NRG3: variants seen among roughly 807,000 people sequenced by gnomAD.
The protein encoded by NRG3 is neuregulin 3.
In NRG3, 31 loss-of-function variants were observed where a neutral mutation model predicts 66.9. The observed-to-expected ratio is 0.46, with a 90% CI of 0.35 to 0.63. NRG3 has a LOEUF of 0.63. NRG3 is among the 20% of genes least tolerant of loss of function. NRG3 has a pLI of 0.00. For missense variants in NRG3, 910 were observed against 878.9 expected, an observed-to-expected ratio of 1.04 and a Z score of -0.45; for synonymous variants, 393 against 359.4, an observed-to-expected ratio of 1.09 and a Z score of -1.06.
chr10:82,791,073 T>A (rs964587177), intron 3 of NRG3, among the ~76,000 whole-genome samples: 1 of 152,082 alleles, frequency 6.6e-6, no homozygotes, highest in Non-Finnish European at 1.5e-5. Context: ...AGTTTTTTTT[T>A]ATTAACATCA....
intron 2 of NRG3, among the ~76,000 whole-genome samples, chr10:82,660,887 T>C (rs1437072635): frequency 6.6e-6 from 1 of 152,208 alleles, no homozygotes; most frequent in Non-Finnish European, 1.5e-5. Context: ...CGTTGTTTTT[T>C]TATGTCCTCC....
intron 1 of NRG3, among the ~76,000 whole-genome samples, chr10:82,019,296 A>C (rs1316696491): frequency 6.6e-6 from 1 of 152,128 alleles, no homozygotes; most frequent in East Asian, 1.9e-4. Flanking sequence ...CCACTTGATC[A>C]TGGTGGATAA....
At chr10:82,042,345 T>A (rs1339966495) in intron 1 of NRG3, among the ~76,000 whole-genome samples, 1 of 152,086 alleles carries the variant, frequency 6.6e-6, no homozygotes, top group Non-Finnish European at 1.5e-5. Context: ...CTTTATTTTT[T>A]GCAAATACCT....
intron 2 of NRG3, among the ~76,000 whole-genome samples, chr10:82,591,563 C>G (rs1176523267): frequency 6.6e-6 from 1 of 152,140 alleles, no homozygotes; most frequent in Non-Finnish European, 1.5e-5. Context: ...TTAAATATGT[C>G]AAGGTCTTAA....
At chr10:82,386,525 C>T (rs2086000136) in intron 2 of NRG3, among the ~76,000 whole-genome samples, 1 of 152,122 alleles carries the variant, frequency 6.6e-6, no homozygotes, top group Non-Finnish European at 1.5e-5. Flanking sequence ...TTCATAGAAA[C>T]ATTTTCAACT....
intron 2 of NRG3, among the ~76,000 whole-genome samples, chr10:82,377,219 C>T (rs1437575871): frequency 2.6e-5 from 4 of 152,260 alleles, no homozygotes; most frequent in South Asian, 4.2e-4. Flanking sequence ...ATAACTTGCT[C>T]ATTTTATGCA....
chr10:82,091,774 G>A (rs1340202185), intron 1 of NRG3, among the ~76,000 whole-genome samples: 2 of 152,134 alleles, frequency 1.3e-5, no homozygotes, highest in Non-Finnish European at 2.9e-5. Flanking sequence ...TGCCAACAAT[G>A]CATAGGTGTT....
At chr10:82,136,212 T>C (rs2069334887) in intron 1 of NRG3, among the ~76,000 whole-genome samples, 1 of 152,162 alleles carries the variant, frequency 6.6e-6, no homozygotes, top group Non-Finnish European at 1.5e-5. Flanking sequence ...GAGGTCATTC[T>C]CCTCTGTGCT....
At chr10:81,962,072 A>T (rs1195891785) in intron 1 of NRG3, among the ~76,000 whole-genome samples, 1 of 152,240 alleles carries the variant, frequency 6.6e-6, no homozygotes, top group Non-Finnish European at 1.5e-5. Flanking sequence ...CAGCCTGATC[A>T]TGTGATTCTG....
chr10:81,892,540 G>A (rs1002258836), intron 1 of NRG3, among the ~76,000 whole-genome samples: 31 of 152,050 alleles, frequency 2.0e-4, no homozygotes, highest in African/African-American at 7.0e-4. Context: ...ATACCTCAAC[G>A]AAAGGCAATA....
intron 4 of NRG3, among the ~76,000 whole-genome samples, chr10:82,920,436 A>G (rs1429110761): frequency 1.3e-5 from 2 of 152,140 alleles, no homozygotes; most frequent in Non-Finnish European, 2.9e-5. Flanking sequence ...TTAGATCGAC[A>G]TATATATCAA....
intron 1 of NRG3, among the ~76,000 whole-genome samples, chr10:82,305,823 AT>A (rs566214853): frequency 2.6e-5 from 4 of 152,124 alleles, no homozygotes; most frequent in African/African-American, 7.2e-5. Context: ...CTCCTCCTTA[AT>A]TTTTTTGTAC....
intron 2 of NRG3, among the ~76,000 whole-genome samples, chr10:82,729,933 T>C (rs2057805470): frequency 6.6e-6 from 1 of 152,172 alleles, no homozygotes; most frequent in South Asian, 2.1e-4. Flanking sequence ...GCTCAAATAG[T>C]GATGCATGCA....
Position 82,432,137 on chromosome 10 carries a change from A to T in NRG3, c.953+73269A>T, listed in dbSNP as rs182177671. The stretch of plus-strand genomic sequence containing the variant: ...ATCAAATGTTTGTGCCAATTTATTT[A>T]ATAAAAAGCTTCTGAATTTTTACTG... On this transcript the variant is annotated intron_variant, in intron 2 of 8. Transcript: ENST00000372141. 6.6e-4 allele frequency among the ~76,000 whole-genome samples: 101 copies of T among 152,310 alleles called. 1 individual carries two copies. The South Asian group carries it at 0.019, about 28-fold the overall frequency.
chr10:82,002,633 C>T (rs957308088), intron 1 of NRG3, among the ~76,000 whole-genome samples: 1 of 152,118 alleles, frequency 6.6e-6, no homozygotes, highest in Non-Finnish European at 1.5e-5. Context: ...GTCTAGGTCC[C>T]ATGCTTGGCG....
chr10:81,942,604 G>T (rs572275176), intron 1 of NRG3, among the ~76,000 whole-genome samples: 220 of 152,220 alleles, frequency 1.4e-3, no homozygotes, highest in South Asian at 7.5e-3. Context: ...ACATTGTGAA[G>T]ATAAAGATTT....
At chr10:82,469,821 G>A (rs763362370) in intron 2 of NRG3, among the ~76,000 whole-genome samples, 1 of 152,064 alleles carries the variant, frequency 6.6e-6, no homozygotes, top group Non-Finnish European at 1.5e-5. Flanking sequence ...TGGTGAAAAT[G>A]AATGGATATT....
intron 3 of NRG3, among the ~76,000 whole-genome samples, chr10:82,743,236 T>A (rs2058506385): frequency 6.6e-6 from 1 of 152,052 alleles, no homozygotes; most frequent in Admixed American, 6.5e-5. Context: ...GTCTAGCCCC[T>A]CCGTGGAAGG....
chr10:82,868,987 C>G (rs944707924), intron 4 of NRG3, among the ~76,000 whole-genome samples: 3 of 152,100 alleles, frequency 2.0e-5, no homozygotes, highest in African/African-American at 7.2e-5. Context: ...CCACCACACC[C>G]GGCTAGATTT....
Sources: allele counts gnomAD v4.1 joint callset (sites outside exome capture counted in the v4.1 genomes callset), GRCh38; gene constraint gnomAD v4.1.1; transcripts MANE v1.5; gene names NCBI Gene and HGNC (gene_info 2026-07-23, HGNC 2026-07-21).